The following PDE2A variants were observed in gnomAD, a reference collection of about 807,000 sequenced individuals.
PDE2A encodes the protein phosphodiesterase 2A.
A neutral mutation model predicts 133.6 loss-of-function variants in PDE2A; 53 were observed. The observed-to-expected ratio is 0.40, with a 90% CI of 0.32 to 0.50. PDE2A has a LOEUF of 0.50. Ranked by LOEUF, PDE2A falls within the 20% of genes least tolerant of loss-of-function variation. The pLI is 0.73. For missense variants in PDE2A, 796 were observed against 1,232.4 expected, an observed-to-expected ratio of 0.65 and a Z score of 5.30; for synonymous variants, 491 against 490.2, an observed-to-expected ratio of 1.00 and a Z score of -0.02.
chr11:72,589,056 G>C, intron 12 of PDE2A, 119 bp downstream of exon 12: 1 of 1,223,336 alleles, frequency 8.2e-7, no homozygotes, highest in South Asian at 1.3e-5. Flanking sequence ...TGGGACAGTA[G>C]AAAGTCCCCA....
intron 2 of PDE2A, among the ~76,000 whole-genome samples, chr11:72,613,912 A>G (rs1857338770): frequency 6.6e-6 from 1 of 152,192 alleles, no homozygotes; most frequent in Non-Finnish European, 1.5e-5. Context: ...AGGAGAACGT[A>G]TCGACCTCTG....
chr11:72,589,068 G>A, intron 12 of PDE2A, 107 bp downstream of exon 12: 1 of 1,234,122 alleles, frequency 8.1e-7, no homozygotes, highest in Non-Finnish European at 1.2e-6. Context: ...AAGTCCCCAG[G>A]TCTTATCTGC....
chr11:72,625,865 G>A (rs1858034772), intron 2 of PDE2A, among the ~76,000 whole-genome samples: 2 of 152,304 alleles, frequency 1.3e-5, no homozygotes, highest in African/African-American at 2.4e-5. Flanking sequence ...CAGTGCACAC[G>A]CTCTTCACAC....
intron 1 of PDE2A, chr11:72,668,320 C>A (rs1855297155): frequency 1.4e-6 from 1 of 718,754 alleles, no homozygotes; most frequent in East Asian, 2.7e-5. Context: ...GATTTCCCCT[C>A]CTGGATCCTC....
chr11:72,593,682 C>A (rs2135316072), intron 6 of PDE2A, among the ~76,000 whole-genome samples: 1 of 152,316 alleles, frequency 6.6e-6, no homozygotes, highest in Middle Eastern at 3.4e-3. Flanking sequence ...GATTAAGGAA[C>A]AGAGCCAAAG....
chr11:72,584,481 C>T (rs779833742), intron 18 of PDE2A, 70 bp downstream of exon 18: 3 of 1,502,312 alleles, frequency 2.0e-6, no homozygotes, highest in Admixed American at 2.0e-5. Context: ...GAAGTGTTGC[C>T]ACCCCCGCTC....
intron 1 of PDE2A, among the ~76,000 whole-genome samples, chr11:72,664,262 T>G (rs1044351025): frequency 2.0e-5 from 3 of 151,850 alleles, no homozygotes; most frequent in African/African-American, 7.3e-5. Flanking sequence ...CCCTTAAGCC[T>G]TCCCCATCTC....
At chr11:72,657,259 T>C (rs180760948) in intron 1 of PDE2A, among the ~76,000 whole-genome samples, 1 of 152,162 alleles carries the variant, frequency 6.6e-6, no homozygotes, top group Non-Finnish European at 1.5e-5. Flanking sequence ...GAGCCTGGCT[T>C]TATTCCCAGA....
chr11:72,586,739 G>C (rs1042424139), intron 13 of PDE2A, among the ~76,000 whole-genome samples: 6 of 152,196 alleles, frequency 3.9e-5, no homozygotes, highest in Non-Finnish European at 8.8e-5. Flanking sequence ...TTTGTCACTG[G>C]GGAGCTGCAT....
chr11:72,673,505 G>A (rs889148387), intron 1 of PDE2A, among the ~76,000 whole-genome samples: 2 of 151,954 alleles, frequency 1.3e-5, no homozygotes, highest in African/African-American at 2.4e-5. Flanking sequence ...CCCCCTGCAC[G>A]TGGACACACA....
intron 3 of PDE2A, among the ~76,000 whole-genome samples, chr11:72,607,507 A>G (rs1857025144): frequency 3.3e-5 from 5 of 151,910 alleles, no homozygotes. Flanking sequence ...ACTTCCTACC[A>G]ATTTCACACT....
chr11:72,589,663 T>C, intron 11 of PDE2A, 88 bp downstream of exon 11: 1 of 1,120,322 alleles, frequency 8.9e-7, no homozygotes, highest in South Asian at 1.3e-5. Context: ...GTCTAGAAGA[T>C]CCAAATACTC....
intron 1 of PDE2A, among the ~76,000 whole-genome samples, chr11:72,670,259 A>C (rs879344449): frequency 3.9e-5 from 6 of 152,200 alleles, no homozygotes; most frequent in Admixed American, 1.3e-4. Context: ...CAGGTAGGAA[A>C]GACTCGGAGC....
Position 72,579,449 on chromosome 11 carries a change from G to A in PDE2A, c.2257-66C>T, listed in dbSNP as rs1855614449. 3.8e-6 allele frequency: 6 copies of A among 1,562,758 alleles called. No individual in the cohort carries two copies. In the Admixed American group the frequency reaches 1.0e-4, roughly 27 times the overall value. On this transcript the variant is annotated intron_variant, in intron 26 of 30. Coordinates refer to ENST00000334456, the MANE Select transcript of PDE2A (RefSeq NM_002599.5). ...CCCCCACCCATTTGCCCATCCCAGT[G>A]AGCCTCCACTCCTTGGCTCCTTATC...
intron 2 of PDE2A, among the ~76,000 whole-genome samples, chr11:72,614,143 C>G (rs376643166): frequency 1.3e-5 from 2 of 152,212 alleles, no homozygotes; most frequent in Admixed American, 6.5e-5. Flanking sequence ...CAGAACAAGG[C>G]GGTTCCTCCT....
chr11:72,641,036 G>A (rs1364123084), intron 2 of PDE2A, among the ~76,000 whole-genome samples: 16 of 152,174 alleles, frequency 1.1e-4, no homozygotes, highest in South Asian at 2.1e-4. Flanking sequence ...AACCCAGCCC[G>A]TGCTACACAC....
Position 72,598,723 on chromosome 11 carries a change from T to C in PDE2A, c.324-1104A>G. On this transcript the variant is annotated intron_variant, in intron 4 of 30. Coordinates refer to ENST00000334456, the MANE Select transcript of PDE2A (RefSeq NM_002599.5). The stretch of plus-strand genomic sequence containing the variant: ...GCCTGCAAGTCACGAGATCACTAGG[T>C]CAGAGACTCTAGACAAATCGAGGAC... The C allele has an allele frequency of 2.4e-6, 3 of 1,269,728 alleles. No individual in the cohort carries two copies. In the Admixed American group the frequency reaches 7.2e-5, roughly 31 times the overall value. The allele number at this position is 1,269,728 out of a possible 1,614,324, so 78.7% of individuals were successfully genotyped here.
Position 72,674,291 on chromosome 11 carries a change from C to T in PDE2A, c.-84G>A. The T allele has an allele frequency of 7.2e-7, 1 of 1,394,322 alleles. No homozygotes were observed. The highest frequency in any genetic ancestry group is 9.8e-7 in the Non-Finnish European group (1 of 1,020,106). The allele number at this position is 1,394,322 out of a possible 1,614,324, so 86.4% of individuals were successfully genotyped here. A position where few individuals can be genotyped will look rare whatever the true frequency, so the allele number is the denominator to read the frequency against. On this transcript the variant is annotated 5_prime_UTR_variant, in exon 1 of 31. Transcript: ENST00000334456. ...TGCCTGGAGTTCAGGGCAGGGCACC[C>T]CCAGCAGGCACAGGGACCAAGAGCA...
Position 72,584,467 on chromosome 11 carries a change from T to C in PDE2A, c.1537+84A>G, listed in dbSNP as rs1855870055. 2.8e-6 allele frequency: 4 copies of C among 1,447,212 alleles called. No homozygotes were observed. In the South Asian group the frequency reaches 3.7e-5, roughly 13 times the overall value. The allele number at this position is 1,447,212 out of a possible 1,614,324, so 89.6% of individuals were successfully genotyped here. ...TTATGCTCCGGGACGCTGGAGGCGG[T>C]GGGGAAGTGTTGCCACCCCCGCTCG... is the stretch of plus-strand genomic sequence containing the variant. On this transcript the variant is annotated intron_variant, in intron 18 of 30. Coordinates refer to ENST00000334456, the MANE Select transcript of PDE2A (RefSeq NM_002599.5).
Sources: allele counts gnomAD v4.1 joint callset (sites outside exome capture counted in the v4.1 genomes callset), GRCh38; gene constraint gnomAD v4.1.1; transcripts MANE v1.5; gene names NCBI Gene and HGNC (gene_info 2026-07-23, HGNC 2026-07-21).